Variants in MYH1 observed in about 807,000 individuals in gnomAD.
MYH1 encodes myosin-1.
MYH1 carries 214 observed loss-of-function variants against 225.6 expected under a neutral mutation model. The observed-to-expected ratio is 0.95, with a 90% CI of 0.85 to 1.06. The LOEUF (loss-of-function observed/expected upper bound fraction) is 1.06. Ranked by LOEUF, MYH1 falls within the 50% of genes least tolerant of loss-of-function variation. MYH1 has a pLI of 0.00. For missense variants in MYH1, 2,098 were observed against 2,344.2 expected, an observed-to-expected ratio of 0.89 and a Z score of 2.17; for synonymous variants, 774 against 842.3, an observed-to-expected ratio of 0.92 and a Z score of 1.40.
intron 24 of MYH1, 133 bp downstream of exon 24, chr17:10,502,605 G>A (rs2073069822): frequency 1.5e-6 from 2 of 1,319,194 alleles, no homozygotes; most frequent in South Asian, 1.3e-5. Flanking sequence ...CCTTGTAATA[G>A]GGATGATGTT....
intron 31 of MYH1, 45 bp from the exon 32 acceptor site, chr17:10,497,497 A>G: frequency 6.3e-7 from 1 of 1,576,610 alleles, no homozygotes; most frequent in East Asian, 2.2e-5. Flanking sequence ...ACAAAATTTG[A>G]TGAGATAAAA....
At chr17:10,503,400 A>T in intron 22 of MYH1, 152 bp from the exon 23 acceptor site, 1 of 1,092,920 alleles carries the variant, frequency 9.1e-7, no homozygotes. Flanking sequence ...TTGGGCACTT[A>T]TGAGTCCGGT....
rs755117063 is a variant in MYH1, at chr17:10,508,550, C to A, written c.1710G>T (p.Lys570Asn). 1.2e-6 allele frequency: 2 copies of A among 1,614,116 alleles called. No homozygotes were observed. The highest frequency in any genetic ancestry group is 1.7e-6 in the Non-Finnish European group (2 of 1,180,024). The change falls in exon 16 of 40, where the codon AAG (lysine) becomes AAT (asparagine). Residue 570 changes from lysine to asparagine, a missense_variant. Transcript: ENST00000226207. ...GGGCCTCAGGCTTGCCTTTGGCAGGCTTGGGCTTCTGGAAGTTATTGGATT... is the reference window on the plus strand; with the variant it reads ...GGGCCTCAGGCTTGCCTTTGGCAGGATTGGGCTTCTGGAAGTTATTGGATT... ...LGKSNNFQKPKPAKGKPEAHF... is the reference protein window; with the variant it reads ...LGKSNNFQKPNPAKGKPEAHF...
chr17:10,509,433 T>C, intron 15 of MYH1, 52 bp downstream of exon 15: 1 of 1,606,980 alleles, frequency 6.2e-7, no homozygotes, highest in African/African-American at 1.3e-5. Flanking sequence ...TATGATTTTC[T>C]TTTAAATACT....
chr17:10,515,792 C>T, intron 5 of MYH1, 134 bp downstream of exon 5: 1 of 1,453,632 alleles, frequency 6.9e-7, no homozygotes, highest in Admixed American at 2.1e-5. Context: ...ATATACTTCT[C>T]TGTGCTTTAG....
chr17:10,505,272 G>A lies in MYH1; in HGVS notation c.2326C>T (p.Leu776Phe). 1 of 1,614,148 alleles carries A rather than the reference G, an allele frequency of 6.2e-7. No individual in the cohort carries two copies. Among genetic ancestry groups the A allele is most frequent in the South Asian group, 1.1e-5 (1 of 91,080 alleles). The change falls in exon 21 of 40, where the codon CTC becomes TTC. Residue 776 changes from leucine to phenylalanine, a missense_variant. Leu to Phe is a conservative substitution (Grantham distance 22, BLOSUM62 0). Transcript: ENST00000226207. ...KVFFKAGLLG[L>F]LEEMRDEKLA... ...TTCTCATCTCGCATCTCCTCTAGGA[G>A]CCCCAGAAGACCAGCTTTGAAAAAG...
intron 14 of MYH1, 43 bp downstream of exon 14, chr17:10,511,796 G>C: frequency 6.2e-7 from 1 of 1,613,638 alleles, no homozygotes; most frequent in Non-Finnish European, 8.5e-7. Flanking sequence ...CAACAAGCTT[G>C]CTTGTTGGAA....
intron 15 of MYH1, 62 bp from the exon 16 acceptor site, chr17:10,508,734 A>G: frequency 6.4e-7 from 1 of 1,561,698 alleles, no homozygotes; most frequent in Admixed American, 1.9e-5. Flanking sequence ...AATAACATTT[A>G]ACATTAATAA....
At chr17:10,508,005 G>GTTTTTTTTTT (rs377516000) in intron 16 of MYH1, 49 bp from the exon 17 acceptor site, 3 of 1,100,590 alleles carry the variant, frequency 2.7e-6, no homozygotes, top group South Asian at 1.6e-5. Flanking sequence ...TCTGGTTATG[G>GTTTTTTTTTT]TTTTTTTTTT....
At chr17:10,501,970 T>G in intron 24 of MYH1, 59 bp from the exon 25 acceptor site, 2 of 1,510,292 alleles carry the variant, frequency 1.3e-6, no homozygotes, top group Non-Finnish European at 1.8e-6. Context: ...TTGTCCCAGA[T>G]GAAATTTTTA....
Position 10,494,655 on chromosome 17 carries a change from C to T in MYH1, c.5485G>A (p.Glu1829Lys). Residue 1829 changes from glutamate to lysine, a missense_variant, in exon 38 of 40, where the codon GAA (glutamate) becomes AAA (lysine). Transcript: ENST00000226207. ...LEARVRELEG[E>K]VESEQKRNVE... ...TTGCGCTTCTGTTCACTTTCAACTT[C>T]ACCTTCAAGTTCACGAACCTACAAG... The T allele has an allele frequency of 6.2e-7, 1 of 1,614,008 alleles. No individual in the cohort carries two copies. The highest frequency in any genetic ancestry group is 8.5e-7 in the Non-Finnish European group (1 of 1,180,000).
At chr17:10,516,376 A>C in intron 3 of MYH1, 34 bp from the exon 4 acceptor site, 1 of 1,614,176 alleles carries the variant, frequency 6.2e-7, no homozygotes, top group Non-Finnish European at 8.5e-7. Flanking sequence ...CAGATCAAAA[A>C]GTAAGTGCTA....
chr17:10,511,796 G>T (rs2073172045), intron 14 of MYH1, 43 bp downstream of exon 14: 26 of 1,613,520 alleles, frequency 1.6e-5, no homozygotes, highest in Non-Finnish European at 2.2e-5. Context: ...CAACAAGCTT[G>T]CTTGTTGGAA....
At chr17:10,502,221 C>G (rs762014422) in intron 24 of MYH1, among the ~76,000 whole-genome samples, 1 of 152,208 alleles carries the variant, frequency 6.6e-6, no homozygotes, top group Non-Finnish European at 1.5e-5. Flanking sequence ...AAACCATGAA[C>G]TTTTTTAACG....
intron 8 of MYH1, 29 bp downstream of exon 8, chr17:10,513,792 G>A (rs774266242): frequency 1.4e-5 from 22 of 1,614,120 alleles, no homozygotes; most frequent in Non-Finnish European, 1.8e-5. Flanking sequence ...TAAAGGCAGA[G>A]AAGACCCTTT....
At chr17:10,505,694 G>A in intron 19 of MYH1, 118 bp downstream of exon 19, 1 of 1,433,082 alleles carries the variant, frequency 7.0e-7, no homozygotes, top group Non-Finnish European at 9.5e-7. Flanking sequence ...TATGGAGTTT[G>A]TTAAGTGAGT....
At position 10,497,586 on chromosome 17, in the gene MYH1, T is replaced by G. The variant is rs908755355; in HGVS notation, c.4366-134A>C. Reference sequence around the variant, plus strand: ...TTATGAATGAGAAGAATAGAAACCATAGGAGCACTTCCCCTCTCCACAGAC... The same window carrying G: ...TTATGAATGAGAAGAATAGAAACCAGAGGAGCACTTCCCCTCTCCACAGAC... On this transcript the variant is annotated intron_variant, in intron 31 of 39. Coordinates refer to ENST00000226207, the MANE Select transcript of MYH1 (RefSeq NM_005963.4). 4.1e-6 allele frequency: 6 copies of G among 1,479,828 alleles called. No individual in the cohort carries two copies. In the East Asian group the frequency reaches 1.2e-4, roughly 29 times the overall value. The allele number at this position is 1,479,828 out of a possible 1,614,324, so 91.7% of individuals were successfully genotyped here. A position where few individuals can be genotyped will look rare whatever the true frequency, so the allele number is the denominator to read the frequency against.
At position 10,494,383 on chromosome 17, in the gene MYH1, T is replaced by G. The variant is rs758872080; in HGVS notation, c.5638A>C (p.Lys1880Gln). The change falls in exon 39 of 40, where the codon AAA becomes CAA. Residue 1880 changes from lysine to glutamine, a missense_variant. Lys to Gln is a moderately conservative substitution (Grantham distance 53, BLOSUM62 1). Coordinates refer to ENST00000226207, the MANE Select transcript of MYH1 (RefSeq NM_005963.4). ...TCTTCAGCTTGTCTCTTGTAGGATT[T>G]CACCTTTGCTTGCAGTTTGTCCACC... ...DLVDKLQAKV[K>Q]SYKRQAEEAE... The G allele has an allele frequency of 6.2e-7, 1 of 1,614,230 alleles. No homozygotes were observed. The highest frequency in any genetic ancestry group is 2.2e-5 in the East Asian group (1 of 44,884).
Position 10,497,360 on chromosome 17 carries a change from A to T in MYH1, c.4458T>A (p.Phe1486Leu). The T allele has an allele frequency of 6.2e-7, 1 of 1,613,730 alleles. No individual in the cohort carries two copies. Among genetic ancestry groups the T allele is most frequent in the Non-Finnish European group, 8.5e-7 (1 of 1,179,958 alleles). Residue 1486 changes from phenylalanine (F) to leucine (L), a missense_variant, in exon 32 of 40, where the codon TTT (phenylalanine) becomes TTA (leucine). Coordinates refer to ENST00000226207, the MANE Select transcript of MYH1 (RefSeq NM_005963.4). ...KESRSLSTEL[F>L]KIKNAYEESL... ...ATTCCTCATAAGCATTCTTAATCTT[A>T]AATAGTTCTGTGCTGAGTGAGCGGG... is the stretch of plus-strand genomic sequence containing the variant.
Sources: gnomAD v4.1 joint callset for allele counts (sites outside exome capture counted in the v4.1 genomes callset) on GRCh38, gnomAD v4.1.1 for gene constraint, MANE v1.5 for transcripts, NCBI Gene and HGNC (gene_info 2026-07-23, HGNC 2026-07-21) for gene names.